Variants in EFCAB13 observed in about 807,000 individuals in gnomAD.
EFCAB13 encodes EF-hand calcium binding domain 13.
Under a neutral mutation model 110.2 loss-of-function variants are expected in EFCAB13, and 91 were observed. The observed-to-expected ratio is 0.83, with a 90% CI of 0.70 to 0.98. The LOEUF (loss-of-function observed/expected upper bound fraction) is 0.98, where lower values mean the gene tolerates loss of function less well. Ranked by LOEUF, EFCAB13 falls within the 50% of genes least tolerant of loss-of-function variation. The pLI, the probability that EFCAB13 is intolerant of heterozygous loss-of-function variation, is 0.00. For synonymous variants in EFCAB13, 323 were observed against 369.9 expected, an observed-to-expected ratio of 0.87 and a Z score of 1.45; for missense variants, 968 against 1,119.4, an observed-to-expected ratio of 0.86 and a Z score of 1.93.
At chr17:47,336,226 A>G (rs1439666101) in intron 5 of EFCAB13, among the ~76,000 whole-genome samples, 2 of 151,596 alleles carry the variant, frequency 1.3e-5, no homozygotes, top group African/African-American at 4.9e-5. Context: ...TCCTGGGTTC[A>G]AGTGATTCTT....
intron 10 of EFCAB13, 93 bp downstream of exon 10, chr17:47,361,614 G>T (rs1246029957): frequency 2.7e-6 from 3 of 1,095,664 alleles, no homozygotes. Context: ...TCTGTCCTTT[G>T]CTTCTCCTTT....
At chr17:47,330,454 A>T (rs1007414287) in intron 4 of EFCAB13, among the ~76,000 whole-genome samples, 10 of 151,694 alleles carry the variant, frequency 6.6e-5, no homozygotes, top group African/African-American at 2.4e-4. Flanking sequence ...TTCATCCTTC[A>T]CTTCCCTGTC....
intron 9 of EFCAB13, among the ~76,000 whole-genome samples, chr17:47,351,920 T>A (rs931745581): frequency 4.0e-5 from 6 of 148,304 alleles, no homozygotes; most frequent in Admixed American, 2.7e-4. Context: ...TTTTTTTTTT[T>A]AGATGGAGTC....
rs1241997884 is a variant in EFCAB13, at chr17:47,409,502, A to G, written c.2234-145A>G. 7.7e-6 allele frequency: 5 copies of G among 650,548 alleles called. No homozygotes were observed. The East Asian group carries it at 1.3e-4, about 17-fold the overall frequency. 40.3% of individuals were successfully genotyped at this position (650,548 alleles called of 1,614,324 possible). A position where few individuals can be genotyped will look rare whatever the true frequency, so the allele number is the denominator to read the frequency against. ...GAATGGATATTTTGGGAGCCAGGGA[A>G]CAACTTTTGAGAAGAAGGGAATGGT... On this transcript the variant is annotated intron_variant, in intron 20 of 24. Transcript: ENST00000331493.
chr17:47,342,232 A>G (rs2065389703), intron 6 of EFCAB13, among the ~76,000 whole-genome samples, 200 bp downstream of exon 6: 1 of 151,634 alleles, frequency 6.6e-6, no homozygotes, highest in African/African-American at 2.4e-5. Flanking sequence ...CTTTTCAGGA[A>G]TTTATGAAAA....
intron 13 of EFCAB13, among the ~76,000 whole-genome samples, chr17:47,378,699 T>G (rs1007667303): frequency 6.6e-6 from 1 of 152,164 alleles, no homozygotes; most frequent in Non-Finnish European, 1.5e-5. Context: ...AGGTAAAACA[T>G]TGGACCACAT....
At chr17:47,373,033 A>G (rs1265219717) in intron 11 of EFCAB13, among the ~76,000 whole-genome samples, 1 of 151,942 alleles carries the variant, frequency 6.6e-6, no homozygotes, top group African/African-American at 2.4e-5. Context: ...CTTCTCCTTC[A>G]TAAACTCTTA....
intron 17 of EFCAB13, among the ~76,000 whole-genome samples, chr17:47,399,093 T>A (rs2065765394): frequency 6.6e-6 from 1 of 152,144 alleles, no homozygotes; most frequent in Admixed American, 6.5e-5. Context: ...TGGCTAATTT[T>A]TTGTAGAGAC....
At chr17:47,432,045 C>T (rs1433063165) in intron 24 of EFCAB13, among the ~76,000 whole-genome samples, 2 of 151,810 alleles carry the variant, frequency 1.3e-5, no homozygotes, top group African/African-American at 4.8e-5. Flanking sequence ...CACTTGAGCT[C>T]AAGAGTTCGA....
chr17:47,417,904 G>A (rs4114873), intron 23 of EFCAB13, among the ~76,000 whole-genome samples: 96,073 of 151,874 alleles, frequency 0.63, 30,816 homozygotes, highest in African/African-American at 0.71. Context: ...ATGTGTAATG[G>A]GCCTTTAAAG....
rs780182994 is a variant in EFCAB13, at chr17:47,361,431, A to G, written c.715A>G (p.Thr239Ala). Residue 239 changes from threonine (T) to alanine (A), a missense_variant, in exon 10 of 25, where the codon ACT (threonine) becomes GCT (alanine). Physicochemically the swap from Thr to Ala is moderately conservative, Grantham distance 58. Transcript: ENST00000331493. The part of the protein sequence containing the change: ...FCRIKGGRVS[T>A]DDVFAVLDSM... The stretch of plus-strand genomic sequence containing the variant: ...TAGGATAAAAGGTGGTCGAGTTTCA[A>G]CTGATGACGTGTTTGCTGTTTTGGA... 1.3e-5 allele frequency: 21 copies of G among 1,613,892 alleles called. No individual in the cohort carries two copies. Among genetic ancestry groups the G allele is most frequent in the African/African-American group, 2.7e-5 (2 of 74,914 alleles).
At chr17:47,328,785 C>G (rs1392201140) in intron 4 of EFCAB13, 1 of 161,368 alleles carries the variant, frequency 6.2e-6, no homozygotes, top group Non-Finnish European at 1.3e-5. Flanking sequence ...GCCCTTCTGT[C>G]TTTTTAGATG....
intron 23 of EFCAB13, among the ~76,000 whole-genome samples, chr17:47,429,012 G>C (rs1025171886): frequency 1.3e-5 from 2 of 152,102 alleles, no homozygotes; most frequent in Non-Finnish European, 2.9e-5. Flanking sequence ...ATAAATGGAA[G>C]ATAGTATTAT....
At chr17:47,382,584 T>C (rs894880600) in intron 14 of EFCAB13, among the ~76,000 whole-genome samples, 4 of 152,160 alleles carry the variant, frequency 2.6e-5, no homozygotes, top group Admixed American at 2.6e-4. Context: ...TTAATTTTAT[T>C]GAAGGCTTTT....
Position 47,377,819 on chromosome 17 carries a change from G to C in EFCAB13, c.1426G>C (p.Glu476Gln). 1 of 1,593,382 alleles carries C rather than the reference G, an allele frequency of 6.3e-7. No homozygotes were observed. The highest frequency in any genetic ancestry group is 8.5e-7 in the Non-Finnish European group (1 of 1,174,838). ...TCAAGAAAATTACATTGCAGCAGAA[G>C]AACTTCAGTCTATTTTGCCTTCAAC... ...KLQENYIAAE[E>Q]LQSILPSTGI... is the part of the protein sequence containing the mutation. Residue 476 changes from glutamate to glutamine, a missense_variant, in exon 13 of 25, where the codon GAA becomes CAA. Glu to Gln is a conservative substitution (Grantham distance 29). Transcript: ENST00000331493.
chr17:47,380,650 C>T (rs925903499), intron 14 of EFCAB13, among the ~76,000 whole-genome samples: 2 of 152,120 alleles, frequency 1.3e-5, no homozygotes, highest in Non-Finnish European at 2.9e-5. Context: ...CTTGAGGAAT[C>T]GCCACACTTC....
At chr17:47,339,346 T>C (rs1290624060) in intron 5 of EFCAB13, among the ~76,000 whole-genome samples, 2 of 152,148 alleles carry the variant, frequency 1.3e-5, no homozygotes, top group African/African-American at 4.8e-5. Flanking sequence ...AATTTTTCCA[T>C]GGACGAGGGG....
intron 24 of EFCAB13, among the ~76,000 whole-genome samples, chr17:47,432,205 T>C (rs1304972020): frequency 6.6e-6 from 1 of 152,040 alleles, no homozygotes; most frequent in African/African-American, 2.4e-5. Context: ...AAGACCATCC[T>C]GGCTAACACA....
chr17:47,440,057 T>G (rs1262111381), intron 24 of EFCAB13, among the ~76,000 whole-genome samples: 10 of 152,166 alleles, frequency 6.6e-5, no homozygotes, highest in African/African-American at 1.2e-4. Flanking sequence ...ATATTTATTC[T>G]GTAGTTTTGT....
Sources: allele counts gnomAD v4.1 joint callset (sites outside exome capture counted in the v4.1 genomes callset), GRCh38; gene constraint gnomAD v4.1.1; transcripts MANE v1.5; gene names NCBI Gene and HGNC (gene_info 2026-07-23, HGNC 2026-07-21).